The following METTL24 variants were observed in gnomAD, a reference collection of about 807,000 sequenced individuals.
METTL24 encodes the protein methyltransferase like 24.
METTL24 carries 29 observed loss-of-function variants against 32.7 expected under a neutral mutation model. The observed-to-expected ratio is 0.89, with a 90% CI of 0.66 to 1.21. The LOEUF is 1.21. METTL24 is among the 50% of genes most tolerant of loss of function. The probability of loss-of-function intolerance (pLI) is 0.00; values close to 1 mark genes in which losing one functional copy is unlikely to be tolerated. For synonymous variants in METTL24, 163 were observed against 179.5 expected, an observed-to-expected ratio of 0.91 and a Z score of 0.73; for missense variants, 439 against 468.1, an observed-to-expected ratio of 0.94 and a Z score of 0.57.
Position 110,333,721 on chromosome 6 carries a change from C to T in METTL24, c.319-10849G>A, listed in dbSNP as rs1286404559. ...CCTCCCAAAGTTCTGGGATTACAGG[C>T]GTAAGCCACCACGCCCAGCCTTGAT... On this transcript the variant is annotated intron_variant, in intron 1 of 4. Transcript: ENST00000338882. Among the ~76,000 whole-genome samples the T allele has an allele frequency of 6.5e-4, 99 of 152,284 alleles. 1 individual carries two copies. The highest frequency in any genetic ancestry group is 3.9e-4 in the East Asian group (2 of 5,190).
At chr6:110,324,344 C>T (rs1193529501) in intron 1 of METTL24, among the ~76,000 whole-genome samples, 2 of 152,162 alleles carry the variant, frequency 1.3e-5, no homozygotes, top group Non-Finnish European at 2.9e-5. Context: ...AGGAGGCCTC[C>T]CTGGTTTCCC....
intron 4 of METTL24, among the ~76,000 whole-genome samples, chr6:110,259,046 AGAT>A (rs1778439312): frequency 6.6e-6 from 1 of 152,190 alleles, no homozygotes; most frequent in Non-Finnish European, 1.5e-5. Context: ...TGAGCGATGC[AGAT>A]GATGAATGAT....
intron 1 of METTL24, among the ~76,000 whole-genome samples, chr6:110,330,175 C>T (rs143776908): frequency 2.2e-3 from 333 of 152,048 alleles, no homozygotes; most frequent in African/African-American, 7.6e-3. Flanking sequence ...CTTTTTTTTC[C>T]TTTCTCCGTT....
At chr6:110,247,253 A>T (rs1778184318) in intron 4 of METTL24, among the ~76,000 whole-genome samples, 1 of 152,228 alleles carries the variant, frequency 6.6e-6, no homozygotes, top group Non-Finnish European at 1.5e-5. Flanking sequence ...TTCTGTGAGT[A>T]TCCCTAATTA....
intron 4 of METTL24, among the ~76,000 whole-genome samples, chr6:110,248,843 T>C (rs1308948496): frequency 6.6e-6 from 1 of 152,064 alleles, no homozygotes; most frequent in Non-Finnish European, 1.5e-5. Flanking sequence ...GGCATGTCCA[T>C]GGGTTTGTTT....
intron 3 of METTL24, among the ~76,000 whole-genome samples, chr6:110,302,553 G>T (rs878883179): frequency 8.7e-5 from 6 of 69,008 alleles, no homozygotes; most frequent in Non-Finnish European, 1.6e-4. Context: ...ACACACATAT[G>T]TGTATATATA....
intron 3 of METTL24, among the ~76,000 whole-genome samples, chr6:110,304,879 A>C (rs1203088483): frequency 6.6e-6 from 1 of 152,222 alleles, no homozygotes; most frequent in Non-Finnish European, 1.5e-5. Flanking sequence ...GTTGAAACAA[A>C]AGAAAAAAAT....
intron 4 of METTL24, among the ~76,000 whole-genome samples, chr6:110,281,049 T>A (rs1771127580): frequency 6.6e-6 from 1 of 152,140 alleles, no homozygotes; most frequent in Non-Finnish European, 1.5e-5. Flanking sequence ...ATTATATAAA[T>A]TTTCTACAGT....
In METTL24 at chr6:110,244,493, A is replaced by G. The variant is rs183390642; in HGVS notation, c.*1453T>C. On this transcript the variant is annotated 3_prime_UTR_variant, in exon 5 of 5. Coordinates refer to ENST00000338882, the MANE Select transcript of METTL24 (RefSeq NM_001123364.3). ...TCCATTCTCACACTGCTATGAAGAT[A>G]TACCTGAGACTGAGTAATTTATAGA... Among the ~76,000 whole-genome samples the G allele has an allele frequency of 1.4e-3, 214 of 152,356 alleles. 1 individual carries two copies. The highest frequency in any genetic ancestry group is 2.0e-3 in the Non-Finnish European group (139 of 68,030).
At chr6:110,350,525 C>A (rs1772573957) in intron 1 of METTL24, among the ~76,000 whole-genome samples, 1 of 150,604 alleles carries the variant, frequency 6.6e-6, no homozygotes, top group South Asian at 2.1e-4. Flanking sequence ...GGTAACTATG[C>A]ATGACAGAAA....
rs773044096 is a variant in METTL24 at position 110,299,133 on chromosome 6, G to T, written c.575C>A (p.Thr192Asn). 1 of 1,613,806 alleles carries T rather than the reference G, an allele frequency of 6.2e-7. No homozygotes were observed. The highest frequency in any genetic ancestry group is 8.5e-7 in the Non-Finnish European group (1 of 1,179,922). ...LYSLGLGSDDTHFEVSMANNG... is the reference protein window; with the variant it reads ...LYSLGLGSDDNHFEVSMANNG... The stretch of plus-strand genomic sequence containing the variant: ...GTTGGCCATGCTAACCTCAAAATGG[G>T]TATCATCACTTCCTAGCCTATAAAG... Residue 192 changes from threonine to asparagine, a missense_variant, in exon 4 of 5, where the codon ACC becomes AAC. Thr to Asn is a moderately conservative substitution (Grantham distance 65). Transcript: ENST00000338882.
At chr6:110,339,790 TA>T (rs1772316109) in intron 1 of METTL24, among the ~76,000 whole-genome samples, 1 of 152,208 alleles carries the variant, frequency 6.6e-6, no homozygotes, top group African/African-American at 2.4e-5. Flanking sequence ...TGACTTTGGA[TA>T]TGGGGCTTCT....
rs554425175 is a variant in METTL24 at position 110,244,616 on chromosome 6, T to C, written c.*1330A>G. On this transcript the variant is annotated 3_prime_UTR_variant, in exon 5 of 5. Coordinates refer to ENST00000338882, the MANE Select transcript of METTL24 (RefSeq NM_001123364.3). The stretch of plus-strand genomic sequence containing the variant: ...GGGGAAGCAAACACATCCTTCTTCA[T>C]ATGGCAGCAGGAAGGAGAAAAATGA... Among the ~76,000 whole-genome samples, 20 of 152,230 alleles carry C rather than the reference T, an allele frequency of 1.3e-4. No individual in the cohort carries two copies. The highest frequency in any genetic ancestry group is 4.8e-4 in the African/African-American group (20 of 41,524).
intron 1 of METTL24, among the ~76,000 whole-genome samples, chr6:110,329,885 G>C (rs769872015): frequency 3.9e-5 from 6 of 152,206 alleles, no homozygotes; most frequent in South Asian, 2.1e-4. Context: ...AGTAAAACCT[G>C]GACAGAATGC....
intron 4 of METTL24, among the ~76,000 whole-genome samples, chr6:110,290,056 A>C (rs149272418): frequency 0.051 from 7,818 of 151,978 alleles, 550 homozygotes; most frequent in African/African-American, 0.16. Context: ...GCTGGGACTA[A>C]AGGTGTGTGT....
chr6:110,245,277 A>G lies in METTL24; in HGVS notation c.*669T>C, dbSNP rs1325204082. Among the ~76,000 whole-genome samples, 1 of 152,194 alleles carries G rather than the reference A, an allele frequency of 6.6e-6. No homozygotes were observed. The highest frequency in any genetic ancestry group is 1.9e-4 in the East Asian group (1 of 5,198). ...TGTCTGGCTGTCTTCAAGCTGGGAC[A>G]TGGGTCTTGGTGAGGTCAAGACCTT... On this transcript the variant is annotated 3_prime_UTR_variant, in exon 5 of 5. Coordinates refer to ENST00000338882, the MANE Select transcript of METTL24 (RefSeq NM_001123364.3).
At chr6:110,327,074 T>C (rs565026911) in intron 1 of METTL24, among the ~76,000 whole-genome samples, 3 of 152,260 alleles carry the variant, frequency 2.0e-5, no homozygotes, top group Admixed American at 1.3e-4. Context: ...ATAAATGCCA[T>C]AACGGTTATA....
chr6:110,332,397 T>A (rs1772124601), intron 1 of METTL24: 3 of 436,518 alleles, frequency 6.9e-6, no homozygotes, highest in Non-Finnish European at 9.1e-6. Context: ...ACGTAATATA[T>A]TTTAGATTTT....
intron 4 of METTL24, among the ~76,000 whole-genome samples, chr6:110,261,967 G>C (rs141243613): frequency 6.6e-6 from 1 of 152,022 alleles, no homozygotes. Flanking sequence ...ATTTAAAGCA[G>C]TGTGTAGAGG....
Sources: gnomAD v4.1 joint callset for allele counts (sites outside exome capture counted in the v4.1 genomes callset) on GRCh38, gnomAD v4.1.1 for gene constraint, MANE v1.5 for transcripts, NCBI Gene and HGNC (gene_info 2026-07-23, HGNC 2026-07-21) for gene names.